The following ATP9A variants were observed in gnomAD, a reference collection of about 807,000 sequenced individuals.
ATP9A encodes the protein probable phospholipid-transporting ATPase IIA.
ATP9A carries 52 observed loss-of-function variants against 144.1 expected under a neutral mutation model. The observed-to-expected ratio is 0.36, with a 90% CI of 0.29 to 0.45. The LOEUF is 0.45. Among genes scored for constraint, ATP9A ranks in the 20% least tolerant of loss-of-function variants. ATP9A has a pLI of 1.00. For synonymous variants in ATP9A, 582 were observed against 557.4 expected (o/e 1.04, Z -0.62); for missense variants, 947 against 1,392.7 (o/e 0.68, Z 5.09).
At chr20:51,744,904 A>T (rs2077801053) in intron 1 of ATP9A, among the ~76,000 whole-genome samples, 1 of 152,018 alleles carries the variant, frequency 6.6e-6, no homozygotes, top group Admixed American at 6.6e-5. Flanking sequence ...CCGAGGCGGG[A>T]GAATCACTTG....
At chr20:51,724,337 T>C (rs1037653418) in intron 3 of ATP9A, among the ~76,000 whole-genome samples, 1 of 152,146 alleles carries the variant, frequency 6.6e-6, no homozygotes, top group African/African-American at 2.4e-5. Context: ...CATAGCTCAG[T>C]TACATTGGAC....
In ATP9A at chr20:51,607,554, T is replaced by A; in HGVS notation, c.2776A>T (p.Ile926Leu). 6.2e-7 allele frequency: 1 copy of A among 1,613,442 alleles called. No individual in the cohort carries two copies. The highest frequency in any genetic ancestry group is 8.5e-7 in the Non-Finnish European group (1 of 1,179,504). Residue 926 changes from isoleucine (I) to leucine (L), a missense_variant, in exon 26 of 28, where the codon ATA (isoleucine) becomes TTA (leucine). Around this residue, in one of 2 missense-constraint regions of ATP9A, gnomAD observed 177 missense variants for 344.9 expected, o/e 0.51. Coordinates refer to ENST00000338821, the MANE Select transcript of ATP9A (RefSeq NM_006045.3). ...TGATAGATGCTAATCAAAACCCATA[T>A]TAAGAATGTCTTGTAGGACAACGGC... ...GRPLSYKTFL[I>L]WVLISIYQGS...
At position 51,625,343 on chromosome 20, in the gene ATP9A, T is replaced by C. The variant is rs778362859; in HGVS notation, c.1865A>G (p.Lys622Arg). The change falls in exon 18 of 28, where the codon AAG becomes AGG. Residue 622 changes from lysine to arginine, a missense_variant. Physicochemically the swap from Lys to Arg is conservative, Grantham distance 26 (BLOSUM62 2). This residue lies in a region of ATP9A where 770 missense variants were observed against 1,047.9 expected (regional missense o/e 0.73). Coordinates refer to ENST00000338821, the MANE Select transcript of ATP9A (RefSeq NM_006045.3). ...GAGGGAGCGGTCGTGCACACTCAGC[T>C]TGGCCTGGACGTAGCGGGCCTGGGA... ...QDFEARYVQA[K>R]LSVHDRSLKV... The C allele has an allele frequency of 1.2e-6, 2 of 1,614,104 alleles. No homozygotes were observed. Among genetic ancestry groups the C allele is most frequent in the East Asian group, 2.2e-5 (1 of 44,886 alleles).
In ATP9A at chr20:51,662,594, AT is replaced by A. The variant is rs147164215; in HGVS notation, c.1294-5445del. 3.6e-3 allele frequency among the ~76,000 whole-genome samples: 526 copies of A among 146,730 alleles called. 5 individuals carry two copies. Among genetic ancestry groups the A allele is most frequent in the African/African-American group, 0.012 (468 of 40,092 alleles). On this transcript the variant is annotated intron_variant, in intron 13 of 27. Coordinates refer to ENST00000338821, the MANE Select transcript of ATP9A (RefSeq NM_006045.3). ...CACCAAAGTATGATTTGCTTTATTT[AT>A]TTTTTTTTTGGCACCCGGTTAAATT...
intron 1 of ATP9A, among the ~76,000 whole-genome samples, chr20:51,740,296 G>A (rs138182049): frequency 1.3e-5 from 2 of 150,982 alleles, no homozygotes; most frequent in South Asian, 2.1e-4. Flanking sequence ...GGGCTCAAGC[G>A]ATCTGCCCAC....
rs575761653 is a variant in ATP9A, at chr20:51,681,846, G to C, written c.800-5638C>G. ...AGCACCGAACAGGTGCGCTCTTGCTGCATGAAAAGGAGGACGGAAGGAGAG... is the reference window on the plus strand; with the variant it reads ...AGCACCGAACAGGTGCGCTCTTGCTCCATGAAAAGGAGGACGGAAGGAGAG... On this transcript the variant is annotated intron_variant, in intron 9 of 27. Transcript: ENST00000338821. Among the ~76,000 whole-genome samples the C allele has an allele frequency of 6.0e-4, 92 of 152,302 alleles. 1 individual carries two copies. Among genetic ancestry groups the C allele is most frequent in the African/African-American group, 2.0e-3 (85 of 41,564 alleles).
At chr20:51,658,888 CG>C (rs11477336) in intron 13 of ATP9A, among the ~76,000 whole-genome samples, 39,692 of 54,856 alleles carry the variant, frequency 0.72, 13,829 homozygotes, top group Middle Eastern at 0.76. Context: ...AGACCACTGG[CG>C]GGGGGGGGGG....
chr20:51,722,822 C>T (rs2077695385), intron 3 of ATP9A, among the ~76,000 whole-genome samples: 1 of 152,158 alleles, frequency 6.6e-6, no homozygotes, highest in Admixed American at 6.6e-5. Context: ...CATTGATCCA[C>T]CAATCCCACT....
intron 1 of ATP9A, among the ~76,000 whole-genome samples, chr20:51,744,834 G>C (rs1055656015): frequency 2.0e-5 from 3 of 152,156 alleles, no homozygotes; most frequent in East Asian, 3.9e-4. Flanking sequence ...AGAACATGAA[G>C]AAAAATTAAA....
At chr20:51,682,969 G>A (rs557783668) in intron 9 of ATP9A, among the ~76,000 whole-genome samples, 1 of 150,368 alleles carries the variant, frequency 6.7e-6, no homozygotes, top group African/African-American at 2.4e-5. Flanking sequence ...GTGCATGCCT[G>A]TAATCCCAGC....
intron 1 of ATP9A, among the ~76,000 whole-genome samples, chr20:51,755,815 C>T (rs566726962): frequency 2.0e-5 from 3 of 152,096 alleles, no homozygotes; most frequent in East Asian, 1.9e-4. Flanking sequence ...ATTAGCCAGG[C>T]GTGGTGGTGG....
rs76974815 is a variant in ATP9A, at chr20:51,695,843, T to C, written c.547+250A>G. On this transcript the variant is annotated intron_variant, in intron 6 of 27. Transcript: ENST00000338821. Reference sequence around the variant, plus strand: ...CGGGAGAGGAAATCCAAAGCCACTGTATGCGTGACTTTACCAGCTGTGAGT... The same window carrying C: ...CGGGAGAGGAAATCCAAAGCCACTGCATGCGTGACTTTACCAGCTGTGAGT... 5.9e-3 allele frequency among the ~76,000 whole-genome samples: 898 copies of C among 152,348 alleles called. 3 individuals carry two copies. Among genetic ancestry groups the C allele is most frequent in the Non-Finnish European group, 9.7e-3 (660 of 68,034 alleles).
At chr20:51,753,716 G>C (rs1030894376) in intron 1 of ATP9A, among the ~76,000 whole-genome samples, 4 of 146,828 alleles carry the variant, frequency 2.7e-5, no homozygotes, top group Admixed American at 6.9e-5. Flanking sequence ...ACCCAGGCTA[G>C]AGAGCAGTGG....
chr20:51,700,202 G>A (rs986731067), intron 4 of ATP9A, among the ~76,000 whole-genome samples: 5 of 152,120 alleles, frequency 3.3e-5, no homozygotes, highest in African/African-American at 1.2e-4. Flanking sequence ...AGAGAGACTG[G>A]AGAACATCCA....
chr20:51,667,699 C>T (rs374256080), intron 13 of ATP9A, among the ~76,000 whole-genome samples: 59 of 151,982 alleles, frequency 3.9e-4, no homozygotes, highest in African/African-American at 1.3e-3. Flanking sequence ...CAGGGGGTCA[C>T]GGCAGACAGG....
chr20:51,707,400 A>G (rs1425223161), intron 4 of ATP9A, among the ~76,000 whole-genome samples: 1 of 152,022 alleles, frequency 6.6e-6, no homozygotes, highest in Admixed American at 6.6e-5. Context: ...CCACCCACTG[A>G]CACTTAAGAA....
chr20:51,663,299 G>A (rs951437658), intron 13 of ATP9A, among the ~76,000 whole-genome samples: 18 of 152,226 alleles, frequency 1.2e-4, no homozygotes, highest in South Asian at 2.1e-4. Context: ...AGCATTTGGC[G>A]TTTTGTCCAC....
intron 21 of ATP9A, among the ~76,000 whole-genome samples, chr20:51,617,922 T>C (rs899934445): frequency 1.3e-5 from 2 of 152,168 alleles, no homozygotes; most frequent in African/African-American, 2.4e-5. Context: ...AAGCACATTT[T>C]AAAGGTGATC....
chr20:51,737,297 G>A (rs1264900457), intron 1 of ATP9A, among the ~76,000 whole-genome samples: 1 of 152,200 alleles, frequency 6.6e-6, no homozygotes, highest in East Asian at 1.9e-4. Context: ...GGTCCATGCA[G>A]GAGCTCTCTT....
Sources: gnomAD v4.1 joint callset for allele counts (sites outside exome capture counted in the v4.1 genomes callset) on GRCh38, gnomAD v4.1.1 for gene constraint, gnomAD v4.1.1 regional missense constraint, MANE v1.5 for transcripts, NCBI Gene and HGNC (gene_info 2026-07-23, HGNC 2026-07-21) for gene names.